The following CLEC18A variants were observed in gnomAD, a reference collection of about 807,000 sequenced individuals.
CLEC18A encodes the protein C-type lectin domain family 18 member A, also known as mannose receptor-like 1.
A neutral mutation model predicts 24.0 loss-of-function variants in CLEC18A; 5 were observed. The ratio of observed to expected loss-of-function variants is 0.21; its 90% CI spans 0.11 to 0.44. CLEC18A has a LOEUF of 0.44. CLEC18A is among the 20% of genes least tolerant of loss of function. CLEC18A has a pLI of 0.99. For synonymous variants in CLEC18A, 29 were observed against 100.1 expected (o/e 0.29, Z 4.24); for missense variants, 83 against 233.4 (o/e 0.36, Z 4.20).
chr16:69,965,310 G>A (rs1959343239), downstream of CLEC18A, among the ~76,000 whole-genome samples: 3 of 152,010 alleles, frequency 2.0e-5, no homozygotes, highest in Admixed American at 1.3e-4. Context: ...CTTCCTGCCC[G>A]GTGGGAGACG....
chr16:69,953,786 G>T (rs2058990239), intron 2 of CLEC18A: 1 of 155,692 alleles, frequency 6.4e-6, no homozygotes, highest in Non-Finnish European at 1.3e-5. Flanking sequence ...CTGCACTCCA[G>T]CCTGGGCGAC....
At chr16:69,965,309 C>G (rs866686198), downstream of CLEC18A, among the ~76,000 whole-genome samples, 2 of 152,090 alleles carry the variant, frequency 1.3e-5, no homozygotes, top group African/African-American at 2.4e-5. Flanking sequence ...CCTTCCTGCC[C>G]GGTGGGAGAC....
At chr16:69,966,184 A>G (rs1027788565), downstream of CLEC18A, among the ~76,000 whole-genome samples, 18 of 147,378 alleles carry the variant, frequency 1.2e-4, 1 homozygote, top group South Asian at 3.1e-3. Flanking sequence ...TCAGTCTGTA[A>G]AAGTCCATGG....
upstream of CLEC18A, among the ~76,000 whole-genome samples, chr16:69,946,429 A>T (rs1337143848): frequency 1.8e-5 from 2 of 113,964 alleles, no homozygotes; most frequent in Non-Finnish European, 3.4e-5. Context: ...AGAATGAGTC[A>T]CTCTGTCGCC....
rs559431400 is a variant in CLEC18A, at chr16:69,954,511, C to G, written c.394C>G (p.Gln132Glu). The G allele has an allele frequency of 6.2e-7, 1 of 1,612,750 alleles. No individual in the cohort carries two copies. The highest frequency in any genetic ancestry group is 1.7e-5 in the Admixed American group (1 of 59,918). The change falls in exon 3 of 12, where the codon CAG (glutamine) becomes GAG (glutamate). Residue 132 changes from glutamine (Q) to glutamate (E), a missense_variant. Coordinates refer to ENST00000288040, the MANE Select transcript of CLEC18A (RefSeq NM_001370523.4). The stretch of plus-strand genomic sequence containing the variant: ...GGTCAGCCTATGGTTTGCAGAGGGG[C>G]AGCGGTACAGCCACGCGGCAGGAGA... ...EVVSLWFAEGQRYSHAAGECA... is the reference protein window; with the variant it reads ...EVVSLWFAEGERYSHAAGECA...
chr16:69,952,268 AG>A (rs2058963118), intron 2 of CLEC18A, 142 bp downstream of exon 2: 1 of 690,144 alleles, frequency 1.4e-6, no homozygotes, highest in Non-Finnish European at 2.1e-6. Context: ...CTTGTCCCTG[AG>A]GGACGGAGGC....
At chr16:69,964,710 A>G (rs1347190636), downstream of CLEC18A, among the ~76,000 whole-genome samples, 1 of 150,488 alleles carries the variant, frequency 6.6e-6, no homozygotes. Flanking sequence ...TCACCGTGTT[A>G]CCCAGGATGG....
chr16:69,964,779 A>C (rs1292865378), downstream of CLEC18A, among the ~76,000 whole-genome samples: 7 of 151,706 alleles, frequency 4.6e-5, no homozygotes, highest in African/African-American at 1.7e-4. Flanking sequence ...CTGGGATGAC[A>C]GGCGTGAGCC....
upstream of CLEC18A, among the ~76,000 whole-genome samples, chr16:69,946,432 C>CGACTCAT (rs2058911369): frequency 1.6e-5 from 2 of 123,766 alleles, no homozygotes; most frequent in African/African-American, 3.0e-5. Flanking sequence ...ATGAGTCACT[C>CGACTCAT]TGTCGCCTAG....
chr16:69,944,412 A>G, the CLEC18A span, among the ~76,000 whole-genome samples: 1 of 152,064 alleles, frequency 6.6e-6, no homozygotes, highest in Admixed American at 6.5e-5. Context: ...ACTTTGAAAC[A>G]TGAACCAGAC....
At chr16:69,954,784 G>A (rs542100080) in intron 3 of CLEC18A, among the ~76,000 whole-genome samples, 62 of 151,748 alleles carry the variant, frequency 4.1e-4, no homozygotes, top group Non-Finnish European at 5.4e-4. Flanking sequence ...TGCAACCTCC[G>A]CCTCCTGGGC....
At position 69,963,686 on chromosome 16, in the gene CLEC18A, C is replaced by T; in HGVS notation, c.*75C>T. Reference sequence around the variant, plus strand: ...TACCTGTCTGCCCACCTGTCTGGAACAAGGGCCAGGTTAAGATCACATGCC... The same window carrying T: ...TACCTGTCTGCCCACCTGTCTGGAATAAGGGCCAGGTTAAGATCACATGCC... On this transcript the variant is annotated 3_prime_UTR_variant, in exon 12 of 12. Coordinates refer to ENST00000288040, the MANE Select transcript of CLEC18A (RefSeq NM_001370523.4). 1 of 1,345,032 alleles carries T rather than the reference C, an allele frequency of 7.4e-7. No homozygotes were observed. The highest frequency in any genetic ancestry group is 1.0e-6 in the Non-Finnish European group (1 of 960,926). 83.3% of individuals were successfully genotyped at this position (1,345,032 alleles called of 1,614,324 possible).
At chr16:69,946,330 A>G (rs1271219890), upstream of CLEC18A, among the ~76,000 whole-genome samples, 3 of 140,838 alleles carry the variant, frequency 2.1e-5, no homozygotes, top group Non-Finnish European at 3.2e-5. Context: ...TGAAATGTCT[A>G]TGCATTTTTT....
At chr16:69,944,704 T>C in the CLEC18A span, among the ~76,000 whole-genome samples, 8 of 145,476 alleles carry the variant, frequency 5.5e-5, no homozygotes, top group Middle Eastern at 3.4e-3. Flanking sequence ...GGTGTGGTGG[T>C]GGGTGCCTGT....
intron 3 of CLEC18A, among the ~76,000 whole-genome samples, chr16:69,955,853 A>C (rs1393470693): frequency 1.3e-5 from 2 of 151,868 alleles, no homozygotes; most frequent in African/African-American, 4.8e-5. Context: ...GGTCTTCTAC[A>C]CACACCTGGC....
chr16:69,945,379 G>A, the CLEC18A span, among the ~76,000 whole-genome samples: 1 of 152,172 alleles, frequency 6.6e-6, no homozygotes, highest in South Asian at 2.1e-4. Context: ...GTATCTTATA[G>A]ATGTGATTAC....
upstream of CLEC18A, among the ~76,000 whole-genome samples, chr16:69,945,738 A>G (rs2058908897): frequency 6.6e-6 from 1 of 152,268 alleles, no homozygotes; most frequent in Admixed American, 6.5e-5. Context: ...GAGAATTACC[A>G]TCTATCTTAA....
In CLEC18A at chr16:69,963,767, G is replaced by C; in HGVS notation, c.*156G>C. The C allele has an allele frequency of 1.4e-6, 1 of 703,716 alleles. No individual in the cohort carries two copies. Among genetic ancestry groups the C allele is most frequent in the South Asian group, 1.9e-5 (1 of 53,926 alleles). The allele number at this position is 703,716 out of a possible 1,614,324, so 43.6% of individuals were successfully genotyped here. On this transcript the variant is annotated 3_prime_UTR_variant, in exon 12 of 12. Coordinates refer to ENST00000288040, the MANE Select transcript of CLEC18A (RefSeq NM_001370523.4). Reference sequence around the variant, plus strand: ...AATGCCAGAAGTTGGGCAGAGAGAGGCAGGGAGGCCAGTGAGGGCCAGGGA... The same window carrying C: ...AATGCCAGAAGTTGGGCAGAGAGAGCCAGGGAGGCCAGTGAGGGCCAGGGA...
chr16:69,950,482 C>T (rs1186493858), upstream of CLEC18A, among the ~76,000 whole-genome samples: 8 of 108,194 alleles, frequency 7.4e-5, 2 homozygotes, highest in Non-Finnish European at 1.3e-4. Context: ...CAGCCACGGC[C>T]GGGCCACGGC....
Sources: gnomAD v4.1 joint callset for allele counts (sites outside exome capture counted in the v4.1 genomes callset) on GRCh38, gnomAD v4.1.1 for gene constraint, MANE v1.5 for transcripts, NCBI Gene and HGNC (gene_info 2026-07-23, HGNC 2026-07-21) for gene names.